Variants in RETSAT observed in about 807,000 individuals in gnomAD.
RETSAT encodes retinol saturase.
A neutral mutation model predicts 61.6 loss-of-function variants in RETSAT; 35 were observed. The ratio of observed to expected loss-of-function variants is 0.57; its 90% CI spans 0.43 to 0.75. The LOEUF is 0.75. Ranked by LOEUF, RETSAT falls within the 30% of genes least tolerant of loss-of-function variation. RETSAT has a pLI of 0.00. For synonymous variants in RETSAT, 277 were observed against 310.4 expected, an observed-to-expected ratio of 0.89 and a Z score of 1.13; for missense variants, 670 against 759.5, an observed-to-expected ratio of 0.88 and a Z score of 1.38.
At position 85,351,710 on chromosome 2, in the gene RETSAT, A is replaced by G; in HGVS notation, c.325T>C (p.Phe109Leu). The change falls in exon 2 of 11, where the codon TTT (phenylalanine) becomes CTT (leucine). Residue 109 changes from phenylalanine to leucine, a missense_variant. By Grantham distance (22) the Phe-to-Leu change is conservative (BLOSUM62 0). Transcript: ENST00000295802. ...TCAAATTCAAGGCCATTCTTTCCAA[A>G]GGTATGACAGCAGCCCCCTGCCTTG... is the stretch of plus-strand genomic sequence containing the variant. ...HTKAGGCCHTFGKNGLEFDTG... is the reference protein window; with the variant it reads ...HTKAGGCCHTLGKNGLEFDTG... 1.2e-6 allele frequency: 2 copies of G among 1,614,088 alleles called. No individual in the cohort carries two copies. Among genetic ancestry groups the G allele is most frequent in the East Asian group, 4.5e-5 (2 of 44,878 alleles).
chr2:85,344,445 G>T, intron 7 of RETSAT, 97 bp from the exon 8 acceptor site: 3 of 1,527,422 alleles, frequency 2.0e-6, no homozygotes, highest in Non-Finnish European at 2.7e-6. Context: ...CTCCCCACAG[G>T]GGTGAAGCTG....
chr2:85,345,207 G>A (rs534954495), intron 6 of RETSAT, among the ~76,000 whole-genome samples: 15 of 152,318 alleles, frequency 9.8e-5, no homozygotes, highest in African/African-American at 3.4e-4. Flanking sequence ...GCCACGCAGG[G>A]TGAAGGAAGG....
rs535289875 is a variant in RETSAT, at chr2:85,347,703, AAAAC to A, written c.998-1613_998-1610del. Among the ~76,000 whole-genome samples the A allele has an allele frequency of 1.9e-4, 29 of 152,342 alleles. No homozygotes were observed. In the South Asian group the frequency reaches 5.6e-3, roughly 29 times the overall value. Reference sequence around the variant, plus strand: ...CTATCTTTTATTACCTAGCACTTGAAAAACAAACAAATATATCTGGATTGTATTT... The same window carrying A: ...CTATCTTTTATTACCTAGCACTTGAAAAACAAATATATCTGGATTGTATTT... On this transcript the variant is annotated intron_variant, in intron 5 of 10. Coordinates refer to ENST00000295802, the MANE Select transcript of RETSAT (RefSeq NM_017750.4).
At position 85,343,050 on chromosome 2, in the gene RETSAT, G is replaced by A. The variant is rs1466210710; in HGVS notation, c.*192C>T. ...TATAAAAGGCGTAAAGATCTCACCTGCCCCAGCTGGAAGCAGTGATTCCAT... is the reference window on the plus strand; with the variant it reads ...TATAAAAGGCGTAAAGATCTCACCTACCCCAGCTGGAAGCAGTGATTCCAT... On this transcript the variant is annotated 3_prime_UTR_variant, in exon 11 of 11. Transcript: ENST00000295802. 16 of 659,324 alleles carry A rather than the reference G, an allele frequency of 2.4e-5. No individual in the cohort carries two copies. Among genetic ancestry groups the A allele is most frequent in the Admixed American group, 6.0e-5 (2 of 33,588 alleles). The allele number at this position is 659,324 out of a possible 1,614,324, so 40.8% of individuals were successfully genotyped here. A position where few individuals can be genotyped will look rare whatever the true frequency, so the allele number is the denominator to read the frequency against.
intron 2 of RETSAT, 92 bp downstream of exon 2, chr2:85,351,588 C>A (rs1683300319): frequency 7.7e-7 from 1 of 1,299,226 alleles, no homozygotes. Flanking sequence ...ACTTCCAAAA[C>A]AACAGAAATG....
At chr2:85,349,057 G>GGGTTTTTTTTTTTTTGT (rs1553413591) in intron 5 of RETSAT, among the ~76,000 whole-genome samples, 2 of 133,344 alleles carry the variant, frequency 1.5e-5, no homozygotes, top group African/African-American at 6.0e-5. Context: ...CCATATTTTT[G>GGGTTTTTTTTTTTTTGT]TTTTTTTTTT....
At position 85,344,632 on chromosome 2, in the gene RETSAT, G is replaced by T; in HGVS notation, c.1218C>A (p.Thr406=). The change falls in exon 7 of 11, where the codon ACC becomes ACA. Residue 406 remains threonine, a synonymous_variant. Coordinates refer to ENST00000295802, the MANE Select transcript of RETSAT (RefSeq NM_017750.4). ...CCGTGTCATAGTAAACATAGTAGTT[G>T]GTGGACGGCAGATGCAGGTCTTCCT... ...GTKEDLHLPS[T]NYYVYYDTDM... 6.2e-7 allele frequency: 1 copy of T among 1,614,200 alleles called. No individual in the cohort carries two copies. The highest frequency in any genetic ancestry group is 8.5e-7 in the Non-Finnish European group (1 of 1,180,042).
rs1309309499 is a variant in RETSAT, at chr2:85,349,379, C to T, written c.997+5G>A. ...CAGAAGGGCAGGGCGGGGCAGGGCT[C>T]TCACCACAGGCTTTCCCAGCTGAGT... On this transcript the variant is annotated splice_donor_5th_base_variant and intron_variant, in intron 5 of 10. Transcript: ENST00000295802. 2.5e-6 allele frequency: 4 copies of T among 1,614,024 alleles called. No homozygotes were observed. The highest frequency in any genetic ancestry group is 4.5e-5 in the East Asian group (2 of 44,888).
At chr2:85,353,088 CAA>C (rs1041537152) in intron 1 of RETSAT, among the ~76,000 whole-genome samples, 7 of 152,102 alleles carry the variant, frequency 4.6e-5, no homozygotes, top group Non-Finnish European at 8.8e-5. Flanking sequence ...ATACATGAAA[CAA>C]GTGTCACAAT....
In RETSAT at chr2:85,350,812, C is replaced by T. The variant is rs1267929911; in HGVS notation, c.565G>A (p.Ala189Thr). 6.2e-7 allele frequency: 1 copy of T among 1,614,232 alleles called. No homozygotes were observed. The highest frequency in any genetic ancestry group is 1.7e-5 in the Admixed American group (1 of 60,028). ...AGCTTTATATACTTGTCAATGATAG[C>T]TTCCTCCTGTGGAAACTTCTCCTTG... ...GLKEKFPQEE[A>T]IIDKYIKLVK... The change falls in exon 3 of 11, where the codon GCT (alanine) becomes ACT (threonine). Residue 189 changes from alanine to threonine, a missense_variant. Physicochemically the swap from Ala to Thr is moderately conservative, Grantham distance 58. Transcript: ENST00000295802.
rs1191038853 is a variant in RETSAT at position 85,350,673 on chromosome 2, C to T, written c.597+107G>A. ...TAAGAACAGATGTGACTCTTCCTCC[C>T]TTCCTGCCTCCCGCACTGCACTCTC... On this transcript the variant is annotated intron_variant, in intron 3 of 10. Coordinates refer to ENST00000295802, the MANE Select transcript of RETSAT (RefSeq NM_017750.4). The T allele has an allele frequency of 1.1e-5, 15 of 1,310,194 alleles. No individual in the cohort carries two copies. The Admixed American group carries it at 2.7e-4, about 24-fold the overall frequency. The allele number at this position is 1,310,194 out of a possible 1,614,324, so 81.2% of individuals were successfully genotyped here.
At chr2:85,344,757 T>C (rs766718277) in intron 6 of RETSAT, 25 bp from the exon 7 acceptor site, 11 of 1,610,954 alleles carry the variant, frequency 6.8e-6, no homozygotes, top group Non-Finnish European at 9.3e-6. Flanking sequence ...GGTTGGTGCC[T>C]GTGTGGACCA....
rs1229561284 is a variant in RETSAT, at chr2:85,344,647, C to G, written c.1203G>C (p.Leu401=). 2 of 1,614,196 alleles carry G rather than the reference C, an allele frequency of 1.2e-6. No homozygotes were observed. Among genetic ancestry groups the G allele is most frequent in the Admixed American group, 1.7e-5 (1 of 60,016 alleles). The change falls in exon 7 of 11, where the codon CTG becomes CTC. Residue 401 remains leucine, a synonymous_variant. Transcript: ENST00000295802. The stretch of plus-strand genomic sequence containing the variant: ...CATAGTAGTTGGTGGACGGCAGATG[C>G]AGGTCTTCCTTGGTGCCTCGCAGGC... The part of the protein sequence containing the change: ...FICLRGTKED[L]HLPSTNYYVY...
chr2:85,345,801 C>T lies in RETSAT; in HGVS notation c.1117+174G>A, dbSNP rs189570119. ...TCTGTATGGGCCTCAGTTTCCCCAA[C>T]ATTAAATGCTAGGGTTAGGATGATG... On this transcript the variant is annotated intron_variant, in intron 6 of 10. Transcript: ENST00000295802. 6.0e-6 allele frequency: 5 copies of T among 829,788 alleles called. No homozygotes were observed. The South Asian group carries it at 6.9e-5, about 11-fold the overall frequency. 51.4% of individuals were successfully genotyped at this position (829,788 alleles called of 1,614,324 possible). A position where few individuals can be genotyped will look rare whatever the true frequency, so the allele number is the denominator to read the frequency against.
intron 5 of RETSAT, among the ~76,000 whole-genome samples, chr2:85,349,051 A>ATTTTTGGGGTTTTTT (rs1322820433): frequency 2.1e-5 from 3 of 145,418 alleles, no homozygotes; most frequent in African/African-American, 7.7e-5. Context: ...GCCCGGCCAT[A>ATTTTTGGGGTTTTTT]TTTTTGTTTT....
In RETSAT at chr2:85,350,258, G is replaced by T; in HGVS notation, c.598-17C>A. The T allele has an allele frequency of 6.2e-7, 1 of 1,600,678 alleles. No individual in the cohort carries two copies. ...GGATACCACCTGGGGGAGTGAATGA[G>T]GACAGCAGGCCTCACCTCTAGAACC... is the stretch of plus-strand genomic sequence containing the variant. On this transcript the variant is annotated splice_polypyrimidine_tract_variant and intron_variant, in intron 3 of 10. Transcript: ENST00000295802.
intron 3 of RETSAT, among the ~76,000 whole-genome samples, chr2:85,350,552 G>A (rs1039683176): frequency 6.6e-6 from 1 of 152,092 alleles, no homozygotes; most frequent in African/African-American, 2.4e-5. Flanking sequence ...GGAGAGCAGG[G>A]CATCCCCAGA....
At position 85,352,494 on chromosome 2, in the gene RETSAT, C is replaced by T. The variant is rs373870704; in HGVS notation, c.173-632G>A. On this transcript the variant is annotated intron_variant, in intron 1 of 10. Coordinates refer to ENST00000295802, the MANE Select transcript of RETSAT (RefSeq NM_017750.4). The stretch of plus-strand genomic sequence containing the variant: ...CTCGATCTCCTGACCTCGTGATCCG[C>T]CTGCCTCGGCCTCCCAAAGTGCTGG... 3.3e-5 allele frequency among the ~76,000 whole-genome samples: 5 copies of T among 152,240 alleles called. No individual in the cohort carries two copies. In the East Asian group the frequency reaches 7.7e-4, roughly 24 times the overall value.
At chr2:85,348,556 A>C (rs373936087) in intron 5 of RETSAT, among the ~76,000 whole-genome samples, 2 of 139,660 alleles carry the variant, frequency 1.4e-5, no homozygotes, top group Non-Finnish European at 3.1e-5. Flanking sequence ...GGCATGAACC[A>C]GGAGGCGGAG....
Sources: allele counts gnomAD v4.1 joint callset (sites outside exome capture counted in the v4.1 genomes callset), GRCh38; gene constraint gnomAD v4.1.1; transcripts MANE v1.5; gene names NCBI Gene and HGNC (gene_info 2026-07-23, HGNC 2026-07-21).